Variants in KCNH8 observed in about 807,000 individuals in gnomAD.
KCNH8 encodes potassium voltage-gated channel subfamily H member 8.
Under a neutral mutation model 103.6 loss-of-function variants are expected in KCNH8, and 70 were observed. The observed-to-expected ratio is 0.68, with a 90% confidence interval of 0.56 to 0.82. The LOEUF is 0.82. KCNH8 is among the 40% of genes least tolerant of loss of function. KCNH8 has a pLI of 0.00. For missense variants in KCNH8, 1,217 were observed against 1,329.9 expected (o/e 0.92, Z 1.32); for synonymous variants, 498 against 489.4 (o/e 1.02, Z -0.23).
At chr3:19,287,439 C>T (rs2125278533) in intron 3 of KCNH8, among the ~76,000 whole-genome samples, 1 of 152,304 alleles carries the variant, frequency 6.6e-6, no homozygotes, top group South Asian at 2.1e-4. Context: ...CTTTCCAACA[C>T]TTTGGGCCAT....
intron 11 of KCNH8, among the ~76,000 whole-genome samples, chr3:19,507,525 C>T (rs1377568042): frequency 6.6e-6 from 1 of 152,042 alleles, no homozygotes; most frequent in African/African-American, 2.4e-5. Context: ...AGCCCCACAG[C>T]GATTAGGGCA....
At chr3:19,288,096 T>C (rs1414330045) in intron 3 of KCNH8, among the ~76,000 whole-genome samples, 1 of 151,398 alleles carries the variant, frequency 6.6e-6, no homozygotes, top group East Asian at 1.9e-4. Context: ...CTTTAGTTCA[T>C]AGTAAGTGTC....
At chr3:19,272,235 A>G (rs1315342360) in intron 2 of KCNH8, among the ~76,000 whole-genome samples, 2 of 152,160 alleles carry the variant, frequency 1.3e-5, no homozygotes, top group East Asian at 2.0e-4. Context: ...GGTTCTACCA[A>G]GGCTGCATGC....
chr3:19,392,767 A>G (rs1166906916), intron 6 of KCNH8, among the ~76,000 whole-genome samples: 1 of 152,012 alleles, frequency 6.6e-6, no homozygotes, highest in Non-Finnish European at 1.5e-5. Flanking sequence ...TCACTGTAGA[A>G]GGCACTTATA....
At chr3:19,153,341 A>G (rs1288734637) in intron 1 of KCNH8, among the ~76,000 whole-genome samples, 3 of 152,188 alleles carry the variant, frequency 2.0e-5, no homozygotes, top group Non-Finnish European at 2.9e-5. Flanking sequence ...TGGACATGCA[A>G]TATGCTGAAA....
At chr3:19,218,630 C>T (rs193190460) in intron 1 of KCNH8, among the ~76,000 whole-genome samples, 61 of 152,288 alleles carry the variant, frequency 4.0e-4, no homozygotes, top group African/African-American at 1.3e-3. Context: ...CATTACTTTG[C>T]TATGGCTGCT....
At chr3:19,530,028 G>C (rs1237704394) in intron 15 of KCNH8, among the ~76,000 whole-genome samples, 1 of 152,132 alleles carries the variant, frequency 6.6e-6, no homozygotes, top group Non-Finnish European at 1.5e-5. Context: ...CGGTCTCAAA[G>C]TTGTGGCAAA....
chr3:19,153,372 A>G (rs2063148865), intron 1 of KCNH8, among the ~76,000 whole-genome samples: 1 of 152,174 alleles, frequency 6.6e-6, no homozygotes, highest in African/African-American at 2.4e-5. Context: ...TGTCCACGAT[A>G]TAGTCTTTCT....
intron 3 of KCNH8, among the ~76,000 whole-genome samples, chr3:19,329,142 A>G (rs2065470329): frequency 1.3e-5 from 2 of 152,216 alleles, no homozygotes; most frequent in Admixed American, 1.3e-4. Context: ...CCAATGTGCC[A>G]TAACCAGAAG....
chr3:19,280,243 T>G (rs2064737907), intron 2 of KCNH8, among the ~76,000 whole-genome samples: 1 of 152,130 alleles, frequency 6.6e-6, no homozygotes. Flanking sequence ...TCATGGTTTT[T>G]TGCTCAAAAA....
intron 11 of KCNH8, among the ~76,000 whole-genome samples, chr3:19,486,863 C>A (rs900202172): frequency 3.9e-5 from 6 of 152,300 alleles, no homozygotes; most frequent in African/African-American, 1.2e-4. Context: ...GACCTGCTTT[C>A]TTCCTGACTC....
chr3:19,332,673 C>T (rs1447622156), intron 3 of KCNH8, among the ~76,000 whole-genome samples: 1 of 151,946 alleles, frequency 6.6e-6, no homozygotes, highest in East Asian at 1.9e-4. Flanking sequence ...CTCCCTCTGT[C>T]CCCTAGGCTG....
intron 12 of KCNH8, among the ~76,000 whole-genome samples, chr3:19,510,648 TAA>T (rs2068768554): frequency 6.6e-6 from 1 of 152,204 alleles, no homozygotes; most frequent in African/African-American, 2.4e-5. Context: ...ATGCCAAATG[TAA>T]AGTCCTAAGG....
chr3:19,195,630 G>A (rs1474767222), intron 1 of KCNH8, among the ~76,000 whole-genome samples: 1 of 151,882 alleles, frequency 6.6e-6, no homozygotes, highest in Non-Finnish European at 1.5e-5. Context: ...TTTTTCGCCT[G>A]TCACTACAAA....
intron 8 of KCNH8, among the ~76,000 whole-genome samples, chr3:19,440,653 C>A (rs1006156740): frequency 1.3e-5 from 2 of 152,140 alleles, no homozygotes; most frequent in African/African-American, 2.4e-5. Flanking sequence ...ATGGGAGCTA[C>A]AATTCAAGGT....
chr3:19,230,053 C>G (rs538705936), intron 1 of KCNH8, among the ~76,000 whole-genome samples: 1 of 151,982 alleles, frequency 6.6e-6, no homozygotes, highest in South Asian at 2.1e-4. Context: ...TACATGGTGG[C>G]GGAAAGAGAA....
intron 5 of KCNH8, among the ~76,000 whole-genome samples, chr3:19,360,083 T>C (rs1292226761): frequency 6.6e-6 from 1 of 151,972 alleles, no homozygotes; most frequent in East Asian, 1.9e-4. Flanking sequence ...AAGGAGGTCA[T>C]AAAGATAAGG....
chr3:19,523,696 T>C (rs1450924867), intron 15 of KCNH8, among the ~76,000 whole-genome samples: 20 of 151,894 alleles, frequency 1.3e-4, no homozygotes, highest in Non-Finnish European at 2.7e-4. Context: ...TTAATTTCAA[T>C]TGGAAAAGAA....
intron 5 of KCNH8, among the ~76,000 whole-genome samples, chr3:19,382,513 G>A (rs988176419): frequency 4.6e-4 from 70 of 152,090 alleles, no homozygotes; most frequent in African/African-American, 1.5e-3. Context: ...TTACTTTGAT[G>A]ATCATTATTT....
Sources: gnomAD v4.1 joint callset for allele counts (sites outside exome capture counted in the v4.1 genomes callset) on GRCh38, gnomAD v4.1.1 for gene constraint, MANE v1.5 for transcripts, NCBI Gene and HGNC (gene_info 2026-07-23, HGNC 2026-07-21) for gene names.